Variants in EFNA2 observed in about 807,000 individuals in gnomAD.
The protein encoded by EFNA2 is ephrin A2, also known as ephrin-A2.
Under a neutral mutation model 19.7 loss-of-function variants are expected in EFNA2, and 18 were observed. The ratio of observed to expected loss-of-function variants is 0.91; its 90% confidence interval spans 0.63 to 1.35. EFNA2 has a LOEUF of 1.35. Ranked by LOEUF, EFNA2 falls within the 40% of genes most tolerant of loss-of-function variation. EFNA2 has a pLI of 0.00. For synonymous variants in EFNA2, 187 were observed against 137.8 expected (o/e 1.36, Z -2.50); for missense variants, 303 against 296.0 (o/e 1.02, Z -0.17).
rs1473222104 is a variant in EFNA2 at position 1,286,543 on chromosome 19, G to T, written c.140+235G>T. Among the ~76,000 whole-genome samples the T allele has an allele frequency of 2.0e-5, 3 of 152,012 alleles. No homozygotes were observed. The highest frequency in any genetic ancestry group is 7.2e-5 in the African/African-American group (3 of 41,412). On this transcript the variant is annotated intron_variant, in intron 1 of 3. Coordinates refer to ENST00000215368, the MANE Select transcript of EFNA2 (RefSeq NM_001405.4). The surrounding 1 kb of genome is among the most constrained non-coding windows in gnomAD (Gnocchi z 5.6). Reference sequence around the variant, plus strand: ...GCCCCATTGCCCTACGGACTGTGGGGACTCGCGCCCCACATCCCCCAGAGC... The same window carrying T: ...GCCCCATTGCCCTACGGACTGTGGGTACTCGCGCCCCACATCCCCCAGAGC...
chr19:1,292,407 T>A (rs1361732513), intron 1 of EFNA2, among the ~76,000 whole-genome samples: 1 of 152,252 alleles, frequency 6.6e-6, no homozygotes, highest in Non-Finnish European at 1.5e-5. Context: ...TTGACCTTTT[T>A]AATTCACTCA....
intron 1 of EFNA2, among the ~76,000 whole-genome samples, chr19:1,291,875 T>C (rs2081493181): frequency 6.6e-6 from 1 of 152,248 alleles, no homozygotes; most frequent in South Asian, 2.1e-4. Flanking sequence ...GGTGAGCCTC[T>C]GCCTGGGGCC....
chr19:1,291,993 T>C (rs555269490), intron 1 of EFNA2, among the ~76,000 whole-genome samples: 1 of 152,206 alleles, frequency 6.6e-6, no homozygotes, highest in African/African-American at 2.4e-5. Flanking sequence ...CTGCCACCGC[T>C]GCTCTGTCTG....
intron 3 of EFNA2, 109 bp from the exon 4 acceptor site, chr19:1,299,715 G>C: frequency 7.1e-7 from 1 of 1,417,370 alleles, no homozygotes; most frequent in Non-Finnish European, 9.3e-7. Context: ...GGCCTGCCTG[G>C]TGGGGTGATG....
At position 1,300,096 on chromosome 19, in the gene EFNA2, C is replaced by A. The variant is rs1428086019; in HGVS notation, c.*151C>A. ...TGGTGCCGCCCCCGCCGGGCAGGGG[C>A]CATCCACCCGCCCCAGGACCAGCCC... On this transcript the variant is annotated 3_prime_UTR_variant, in exon 4 of 4. Transcript: ENST00000215368. 4 of 1,136,962 alleles carry A rather than the reference C, an allele frequency of 3.5e-6. No homozygotes were observed. Among genetic ancestry groups the A allele is most frequent in the Admixed American group, 6.3e-5 (2 of 31,760 alleles). The allele number at this position is 1,136,962 out of a possible 1,614,324, so 70.4% of individuals were successfully genotyped here. A position where few individuals can be genotyped will look rare whatever the true frequency, so the allele number is the denominator to read the frequency against.
At position 1,297,191 on chromosome 19, in the gene EFNA2, TG is replaced by T. The variant is rs1478834749; in HGVS notation, c.454+1334del. On this transcript the variant is annotated intron_variant, in intron 2 of 3. Transcript: ENST00000215368. This position sits in a 1 kb window ranked among gnomAD's most constrained non-coding sequence, Gnocchi z 5.0. ...TGGGGAGTCAGGGATCTGGGGTCTG[TG>T]CCCCCAGGCTGCAGGGGGGCCAGTG... Among the ~76,000 whole-genome samples the T allele has an allele frequency of 6.6e-6, 1 of 152,022 alleles. No homozygotes were observed. The highest frequency in any genetic ancestry group is 2.4e-5 in the African/African-American group (1 of 41,384).
chr19:1,298,716 G>A (rs768546370), intron 3 of EFNA2, 100 bp downstream of exon 3: 28 of 1,355,916 alleles, frequency 2.1e-5, no homozygotes, highest in Middle Eastern at 3.6e-4. Flanking sequence ...AGGGGGCCTC[G>A]GGTTTCCCTA....
At chr19:1,298,660 G>C in intron 3 of EFNA2, 44 bp downstream of exon 3, 1 of 1,605,646 alleles carries the variant, frequency 6.2e-7, no homozygotes, top group Non-Finnish European at 8.5e-7. Flanking sequence ...CCCCACCCCT[G>C]TGTCCTAAAC....
At position 1,287,377 on chromosome 19, in the gene EFNA2, G is replaced by A. The variant is rs1292735960; in HGVS notation, c.140+1069G>A. Among the ~76,000 whole-genome samples the A allele has an allele frequency of 6.6e-6, 1 of 152,032 alleles. No individual in the cohort carries two copies. Among genetic ancestry groups the A allele is most frequent in the Non-Finnish European group, 1.5e-5 (1 of 68,002 alleles). On this transcript the variant is annotated intron_variant, in intron 1 of 3. Transcript: ENST00000215368. This position sits in a 1 kb window ranked among gnomAD's most constrained non-coding sequence, Gnocchi z 6.2. Reference sequence around the variant, plus strand: ...ACGGAGCTGCACATCGGGGGCTGAGGCGGCCCCCCCCCACTCTTCTGCTAC... The same window carrying A: ...ACGGAGCTGCACATCGGGGGCTGAGACGGCCCCCCCCCACTCTTCTGCTAC...
Position 1,287,550 on chromosome 19 carries a change from C to T in EFNA2, c.140+1242C>T, listed in dbSNP as rs1018367142. Among the ~76,000 whole-genome samples the T allele has an allele frequency of 2.0e-5, 3 of 152,082 alleles. No homozygotes were observed. Among genetic ancestry groups the T allele is most frequent in the Non-Finnish European group, 4.4e-5 (3 of 68,004 alleles). On this transcript the variant is annotated intron_variant, in intron 1 of 3. Transcript: ENST00000215368. This position sits in a 1 kb window ranked among gnomAD's most constrained non-coding sequence, Gnocchi z 6.2. ...TGAAGGGGTCTCTTTGAGGCGGGCT[C>T]GGGGACAAGGGCGGCCCGTGTTCCG... is the stretch of plus-strand genomic sequence containing the variant.
Position 1,294,512 on chromosome 19 carries a change from G to A in EFNA2, c.141-1033G>A, listed in dbSNP as rs140269166. ...CCAAGAGGGAGACCAGGAGGCCGCC[G>A]GATTCCGGGGCTCGGGGCTCGGGAG... On this transcript the variant is annotated intron_variant, in intron 1 of 3. Transcript: ENST00000215368. This position sits in a 1 kb window ranked among gnomAD's most constrained non-coding sequence, Gnocchi z 5.8. Among the ~76,000 whole-genome samples, 12 of 152,204 alleles carry A rather than the reference G, an allele frequency of 7.9e-5. No homozygotes were observed. Among genetic ancestry groups the A allele is most frequent in the African/African-American group, 2.4e-4 (10 of 41,522 alleles).
chr19:1,291,758 G>A (rs991899445), intron 1 of EFNA2, among the ~76,000 whole-genome samples: 15 of 152,232 alleles, frequency 9.9e-5, no homozygotes, highest in African/African-American at 3.4e-4. Flanking sequence ...AGCTATTAGC[G>A]TCTAATAACT....
intron 1 of EFNA2, among the ~76,000 whole-genome samples, chr19:1,289,248 T>C (rs1340757683): frequency 6.6e-6 from 1 of 152,266 alleles, no homozygotes; most frequent in Non-Finnish European, 1.5e-5. Flanking sequence ...CGCGTTTGCA[T>C]GTGCGTGCCC....
intron 1 of EFNA2, among the ~76,000 whole-genome samples, chr19:1,290,123 C>T (rs2081484630): frequency 6.6e-6 from 1 of 151,926 alleles, no homozygotes; most frequent in African/African-American, 2.4e-5. Context: ...GGTGACGGAG[C>T]CCTGCGGTGG....
intron 1 of EFNA2, among the ~76,000 whole-genome samples, chr19:1,288,364 G>C (rs1268903049): frequency 6.6e-6 from 1 of 152,220 alleles, no homozygotes; most frequent in Non-Finnish European, 1.5e-5. Flanking sequence ...CCGTATCCAA[G>C]GGGACCCTGT....
In EFNA2 at chr19:1,288,531, C is replaced by T. The variant is rs1408762513; in HGVS notation, c.140+2223C>T. On this transcript the variant is annotated intron_variant, in intron 1 of 3. Transcript: ENST00000215368. ...GGGGCATACAGAAAGGCACTGGAGA[C>T]GGGGACAGCCGCGATGGGGGGCAGA... Among the ~76,000 whole-genome samples, 6 of 152,130 alleles carry T rather than the reference C, an allele frequency of 3.9e-5. No homozygotes were observed. In the East Asian group the frequency reaches 9.7e-4, roughly 25 times the overall value.
At position 1,295,907 on chromosome 19, in the gene EFNA2, C is replaced by A. The variant is rs1214889995; in HGVS notation, c.454+49C>A. 7.1e-6 allele frequency: 3 copies of A among 422,528 alleles called. No individual in the cohort carries two copies. Among genetic ancestry groups the A allele is most frequent in the South Asian group, 5.4e-5 (2 of 37,106 alleles). 26.2% of individuals were successfully genotyped at this position (422,528 alleles called of 1,614,324 possible). A position where few individuals can be genotyped will look rare whatever the true frequency, so the allele number is the denominator to read the frequency against. On this transcript the variant is annotated intron_variant, in intron 2 of 3. Transcript: ENST00000215368. This position sits in a 1 kb window ranked among gnomAD's most constrained non-coding sequence, Gnocchi z 5.8. ...GCCGGGGCCCGAGTGGGCGGGGACG[C>A]GGGGGCGGGGCCAGGAAGTGGGCGG...
chr19:1,291,238 GC>G (rs928618647), intron 1 of EFNA2, among the ~76,000 whole-genome samples: 4 of 152,210 alleles, frequency 2.6e-5, no homozygotes, highest in Non-Finnish European at 4.4e-5. Context: ...CCCAGGTGGG[GC>G]TGACCCTGCC....
At chr19:1,285,841 G>A (rs909276121), upstream of EFNA2, among the ~76,000 whole-genome samples, 1 of 147,442 alleles carries the variant, frequency 6.8e-6, no homozygotes, top group Non-Finnish European at 1.5e-5. This position sits in a 1 kb window ranked among gnomAD's most constrained non-coding sequence, Gnocchi z 4.1. Context: ...GGGCGCCCGC[G>A]GCCCTCCCGA....
Sources: gnomAD v4.1 joint callset for allele counts (sites outside exome capture counted in the v4.1 genomes callset) on GRCh38, gnomAD v4.1.1 for gene constraint, Gnocchi (gnomAD v3.1) non-coding constraint, MANE v1.5 for transcripts, NCBI Gene and HGNC (gene_info 2026-07-23, HGNC 2026-07-21) for gene names.